Variants in ENOX1 observed in about 807,000 individuals in gnomAD.
The protein encoded by ENOX1 is candidate growth-related and time keeping constitutive hydroquinone (NADH) oxidase.
In ENOX1, 42 loss-of-function variants were observed where a neutral mutation model predicts 82.5. That is an observed-to-expected ratio of 0.51 (90% CI 0.40 to 0.66). ENOX1 has a LOEUF of 0.66. ENOX1 is among the 30% of genes least tolerant of loss of function. The pLI is 0.00. For missense variants in ENOX1, 608 were observed against 811.6 expected (o/e 0.75, Z 3.05); for synonymous variants, 271 against 282.2 (o/e 0.96, Z 0.40).
At chr13:43,634,849 G>A (rs1322955691) in intron 2 of ENOX1, among the ~76,000 whole-genome samples, 1 of 152,104 alleles carries the variant, frequency 6.6e-6, no homozygotes, top group South Asian at 2.1e-4. Context: ...AATGTTAATG[G>A]GCAAAAGAGG....
intron 5 of ENOX1, among the ~76,000 whole-genome samples, chr13:43,400,666 C>T (rs1336869762): frequency 2.0e-5 from 3 of 151,986 alleles, no homozygotes; most frequent in Admixed American, 6.6e-5. Flanking sequence ...GACCCAGGTT[C>T]GAAAATGGAA....
At chr13:43,392,222 C>T (rs539798792) in intron 5 of ENOX1, among the ~76,000 whole-genome samples, 2 of 152,336 alleles carry the variant, frequency 1.3e-5, no homozygotes, top group African/African-American at 4.8e-5. Flanking sequence ...GTAATCATTA[C>T]CATTTCTAAT....
intron 2 of ENOX1, among the ~76,000 whole-genome samples, chr13:43,567,724 C>A (rs1283803605): frequency 6.6e-6 from 1 of 152,114 alleles, no homozygotes; most frequent in South Asian, 2.1e-4. Flanking sequence ...TTCCCACAGT[C>A]TGCAAGGAAG....
intron 3 of ENOX1, among the ~76,000 whole-genome samples, chr13:43,423,724 C>T (rs1026170141): frequency 1.3e-5 from 2 of 152,166 alleles, no homozygotes; most frequent in Admixed American, 6.5e-5. Flanking sequence ...ACTCTTCTAT[C>T]CCTGGAATAG....
chr13:43,431,273 T>G (rs1391114002), intron 3 of ENOX1, among the ~76,000 whole-genome samples: 2 of 152,154 alleles, frequency 1.3e-5, no homozygotes, highest in African/African-American at 4.8e-5. Context: ...CTCTTGGAGC[T>G]CCCGCAACAC....
chr13:43,737,895 T>C (rs906276338), intron 1 of ENOX1, among the ~76,000 whole-genome samples: 1 of 152,192 alleles, frequency 6.6e-6, no homozygotes, highest in South Asian at 2.1e-4. Flanking sequence ...AATTCTTACT[T>C]TGTTCTATAT....
chr13:43,725,351 A>G (rs2088866882), intron 1 of ENOX1, among the ~76,000 whole-genome samples: 1 of 152,116 alleles, frequency 6.6e-6, no homozygotes, highest in African/African-American at 2.4e-5. Context: ...GGATTACAAT[A>G]TGACTAACTG....
intron 1 of ENOX1, among the ~76,000 whole-genome samples, chr13:43,783,082 A>G (rs1350808548): frequency 6.6e-6 from 1 of 152,222 alleles, no homozygotes; most frequent in East Asian, 1.9e-4. Context: ...GTACAGGTAT[A>G]CAAACTGACC....
intron 3 of ENOX1, among the ~76,000 whole-genome samples, chr13:43,413,656 T>C (rs1383125010): frequency 1.3e-5 from 2 of 149,686 alleles, no homozygotes; most frequent in Non-Finnish European, 3.0e-5. Context: ...AACTTTTTGG[T>C]TTGAATTTTC....
chr13:43,470,023 G>A (rs922311374), intron 3 of ENOX1, among the ~76,000 whole-genome samples: 2 of 151,172 alleles, frequency 1.3e-5, no homozygotes, highest in African/African-American at 4.9e-5. Flanking sequence ...TTCCAGTGGG[G>A]GAAAGGAACG....
chr13:43,553,745 T>G (rs1439922221), intron 2 of ENOX1, among the ~76,000 whole-genome samples: 2 of 152,164 alleles, frequency 1.3e-5, no homozygotes, highest in Admixed American at 1.3e-4. Context: ...AAAGTATCTT[T>G]CTTTCTTTCT....
At chr13:43,363,425 A>G (rs1594152198) in intron 5 of ENOX1, among the ~76,000 whole-genome samples, 1 of 152,162 alleles carries the variant, frequency 6.6e-6, no homozygotes, top group African/African-American at 2.4e-5. Flanking sequence ...AATGTACTTT[A>G]CCCTTAAAAA....
chr13:43,696,305 A>G (rs1459636240), intron 1 of ENOX1, among the ~76,000 whole-genome samples: 1 of 152,174 alleles, frequency 6.6e-6, no homozygotes, highest in Non-Finnish European at 1.5e-5. Flanking sequence ...GTTCTCTTGG[A>G]TACATAGCTA....
In ENOX1 at chr13:43,230,837, C is replaced by T. The variant is rs9590751; in HGVS notation, c.1714+5799G>A. 9.2e-3 allele frequency among the ~76,000 whole-genome samples: 1,406 copies of T among 152,198 alleles called. 26 individuals are homozygous for T. The highest frequency in any genetic ancestry group is 0.032 in the African/African-American group (1,329 of 41,516). On this transcript the variant is annotated intron_variant, in intron 15 of 16. Transcript: ENST00000690772. Reference sequence around the variant, plus strand: ...GTTATAGTTTAATTATATTGGTTACCCGATGAGAATAAACTATCACTTTGT... The same window carrying T: ...GTTATAGTTTAATTATATTGGTTACTCGATGAGAATAAACTATCACTTTGT...
In ENOX1 at chr13:43,272,467, C is replaced by T. The variant is rs2044743633; in HGVS notation, c.1447-2890G>A. Among the ~76,000 whole-genome samples the T allele has an allele frequency of 2.6e-5, 4 of 152,300 alleles. No individual in the cohort carries two copies. The South Asian group carries it at 8.3e-4, about 32-fold the overall frequency. On this transcript the variant is annotated intron_variant, in intron 12 of 16. Transcript: ENST00000690772. ...GGTGTGTAAGAGCTGCTGTGCTCTA[C>T]TGAATAATAACACTAAAAGCATTGT...
intron 2 of ENOX1, among the ~76,000 whole-genome samples, chr13:43,606,797 T>C (rs889101114): frequency 3.3e-5 from 5 of 151,998 alleles, no homozygotes; most frequent in African/African-American, 7.2e-5. Flanking sequence ...GGGCGAATCA[T>C]TGAGCACAGG....
chr13:43,356,190 A>C, intron 7 of ENOX1, 38 bp from the exon 8 acceptor site: 1 of 1,593,118 alleles, frequency 6.3e-7, no homozygotes, highest in East Asian at 2.2e-5. Context: ...CCATAATGTA[A>C]CAATGGCCAC....
At chr13:43,474,475 GT>G (rs1048025571) in intron 3 of ENOX1, among the ~76,000 whole-genome samples, 14 of 152,104 alleles carry the variant, frequency 9.2e-5, no homozygotes, top group African/African-American at 3.1e-4. Flanking sequence ...TACTAGCTTT[GT>G]TTTTTGCTTA....
intron 2 of ENOX1, among the ~76,000 whole-genome samples, chr13:43,617,791 A>C (rs2082546053): frequency 6.6e-6 from 1 of 152,156 alleles, no homozygotes; most frequent in South Asian, 2.1e-4. Flanking sequence ...TTCTTTAAGG[A>C]ATCTCCACAC....
Sources: allele counts gnomAD v4.1 joint callset (sites outside exome capture counted in the v4.1 genomes callset), GRCh38; gene constraint gnomAD v4.1.1; transcripts MANE v1.5; gene names NCBI Gene and HGNC (gene_info 2026-07-23, HGNC 2026-07-21).